LAMC2: variants seen among roughly 807,000 people sequenced by gnomAD.
The protein encoded by LAMC2 is laminin subunit gamma 2, also known as laminin subunit gamma-2.
In LAMC2, 97 loss-of-function variants were observed where a neutral mutation model predicts 140.2. The ratio of observed to expected loss-of-function variants is 0.69; its 90% CI spans 0.59 to 0.82. LAMC2 has a LOEUF of 0.82. Among genes scored for constraint, LAMC2 ranks in the 40% least tolerant of loss-of-function variants. LAMC2 has a pLI of 0.00. For synonymous variants in LAMC2, 513 were observed against 540.2 expected, an observed-to-expected ratio of 0.95 and a Z score of 0.70; for missense variants, 1,402 against 1,476.1, an observed-to-expected ratio of 0.95 and a Z score of 0.82.
At chr1:183,247,670 A>T (rs1660267645), downstream of LAMC2, among the ~76,000 whole-genome samples, 1 of 152,242 alleles carries the variant, frequency 6.6e-6, no homozygotes, top group Non-Finnish European at 1.5e-5. Flanking sequence ...TCACCTTCTG[A>T]ATCATATCTG....
rs551739753 is a variant in LAMC2, at chr1:183,192,262, C to G, written c.79+5831C>G. On this transcript the variant is annotated intron_variant, in intron 1 of 22. Coordinates refer to ENST00000264144, the MANE Select transcript of LAMC2 (RefSeq NM_005562.3). Reference sequence around the variant, plus strand: ...GGGCTTATATTTACAGAATTCTAACCGCGTCTTTTTATTTATTGTGGGGAT... The same window carrying G: ...GGGCTTATATTTACAGAATTCTAACGGCGTCTTTTTATTTATTGTGGGGAT... Among the ~76,000 whole-genome samples, 3 of 152,246 alleles carry G rather than the reference C, an allele frequency of 2.0e-5. 1 individual carries two copies. In the South Asian group the frequency reaches 6.2e-4, roughly 32 times the overall value.
Position 183,222,177 on chromosome 1 carries a change from C to G in LAMC2, c.729C>G (p.Ala243=), listed in dbSNP as rs919137075. The part of the protein sequence containing the change: ...SQRHQDVFSS[A]QRLDPVYFVA... ...GCCATCAAGATGTGTTTAGCTCAGC[C>G]CAACGACTAGACCCTGTCTATTTTG... The change falls in exon 6 of 23, where the codon GCC becomes GCG. Residue 243 remains alanine (A), a synonymous_variant. Coordinates refer to ENST00000264144, the MANE Select transcript of LAMC2 (RefSeq NM_005562.3). 6.2e-7 allele frequency: 1 copy of G among 1,613,984 alleles called. No individual in the cohort carries two copies. The highest frequency in any genetic ancestry group is 2.2e-5 in the East Asian group (1 of 44,894).
chr1:183,235,058 G>T (rs2102244023), intron 15 of LAMC2, among the ~76,000 whole-genome samples: 1 of 152,296 alleles, frequency 6.6e-6, no homozygotes, highest in Non-Finnish European at 1.5e-5. Context: ...AACATGAGCT[G>T]CCTCCTGAGC....
the LAMC2 span, chr1:183,251,932 C>CGT: frequency 0.036 from 5,575 of 155,418 alleles, 341 homozygotes; most frequent in African/African-American, 0.13. Context: ...CGCATGTGTG[C>CGT]GTGTGTGTGT....
intron 5 of LAMC2, 26 bp from the exon 6 acceptor site, chr1:183,222,063 G>A: frequency 1.9e-6 from 3 of 1,614,076 alleles, no homozygotes; most frequent in Non-Finnish European, 2.5e-6. Context: ...CTTGTCCAAT[G>A]CAGACTGATT....
the LAMC2 span, chr1:183,250,606 C>T: frequency 1.3e-5 from 2 of 152,580 alleles, no homozygotes; most frequent in Non-Finnish European, 2.9e-5. Context: ...CTGGACCAGC[C>T]ATTTAATCCC....
chr1:183,233,917 GT>G (rs1333475101), intron 14 of LAMC2, among the ~76,000 whole-genome samples: 8 of 128,514 alleles, frequency 6.2e-5, no homozygotes, highest in Admixed American at 4.8e-4. Flanking sequence ...ATGGAGTTTT[GT>G]TTTTGTTGCC....
At chr1:183,213,283 T>C (rs1377128236) in intron 2 of LAMC2, among the ~76,000 whole-genome samples, 1 of 152,244 alleles carries the variant, frequency 6.6e-6, no homozygotes, top group Non-Finnish European at 1.5e-5. Flanking sequence ...GCAAAGTTGA[T>C]ATGTAGATGT....
rs184651509 is a variant in LAMC2, at chr1:183,225,754, T to G, written c.1066+34T>G. 109 of 1,409,988 alleles carry G rather than the reference T, an allele frequency of 7.7e-5. No homozygotes were observed. The African/African-American group carries it at 1.4e-3, about 19-fold the overall frequency. 87.3% of individuals were successfully genotyped at this position (1,409,988 alleles called of 1,614,324 possible). A position where few individuals can be genotyped will look rare whatever the true frequency, so the allele number is the denominator to read the frequency against. ...CTACGAGAAATTAATTTCTTTCTTC[T>G]TAGGTGTTAGTTTAATTTGATTCAG... is the stretch of plus-strand genomic sequence containing the variant. On this transcript the variant is annotated intron_variant, in intron 8 of 22. Coordinates refer to ENST00000264144, the MANE Select transcript of LAMC2 (RefSeq NM_005562.3).
intron 14 of LAMC2, among the ~76,000 whole-genome samples, chr1:183,233,849 A>C (rs1372572932): frequency 2.0e-5 from 3 of 146,518 alleles, no homozygotes; most frequent in Non-Finnish European, 3.0e-5. Context: ...ACTTTTTTGA[A>C]CTTGGATTTC....
At chr1:183,235,509 A>G in intron 15 of LAMC2, 66 bp from the exon 16 acceptor site, 1 of 1,582,310 alleles carries the variant, frequency 6.3e-7, no homozygotes. Context: ...CCCTTCGTGT[A>G]ACTGAACAAC....
At chr1:183,219,240 C>T (rs1249799098) in intron 4 of LAMC2, among the ~76,000 whole-genome samples, 1 of 152,240 alleles carries the variant, frequency 6.6e-6, no homozygotes, top group Non-Finnish European at 1.5e-5. Flanking sequence ...TCACTTATAC[C>T]TGCACAGAGG....
rs684527 is a variant in LAMC2, at chr1:183,186,347, C to T, written c.-6C>T. On this transcript the variant is annotated 5_prime_UTR_variant, in exon 1 of 23. Transcript: ENST00000264144. ...GGAGACAGAGACTGAGCGGCCCGGCCCCGCCATGCCTGCGCTCTGGCTGGG... is the reference window on the plus strand; with the variant it reads ...GGAGACAGAGACTGAGCGGCCCGGCTCCGCCATGCCTGCGCTCTGGCTGGG... 1 of 1,593,288 alleles carries T rather than the reference C, an allele frequency of 6.3e-7. No individual in the cohort carries two copies. Among genetic ancestry groups the T allele is most frequent in the Non-Finnish European group, 8.5e-7 (1 of 1,175,818 alleles).
chr1:183,232,998 C>G, intron 14 of LAMC2, 141 bp downstream of exon 14: 1 of 784,548 alleles, frequency 1.3e-6, no homozygotes, highest in Admixed American at 2.0e-5. Context: ...ACTTCTTTTC[C>G]TTGCAACAGT....
intron 8 of LAMC2, among the ~76,000 whole-genome samples, chr1:183,226,116 G>C (rs2102228920): frequency 6.7e-6 from 1 of 150,002 alleles, no homozygotes; most frequent in East Asian, 2.0e-4. Flanking sequence ...GCCTGTCTGA[G>C]TCATCATGTA....
At chr1:183,246,755 C>T (rs888653261), downstream of LAMC2, among the ~76,000 whole-genome samples, 17 of 152,114 alleles carry the variant, frequency 1.1e-4, no homozygotes, top group Non-Finnish European at 2.1e-4. Context: ...TTTATTGTGC[C>T]TTCTTTTAAT....
At chr1:183,248,586 C>A (rs1660287762), downstream of LAMC2, 1 of 152,210 alleles carries the variant, frequency 6.6e-6, no homozygotes, top group African/African-American at 2.4e-5. Flanking sequence ...ACTCCAAACT[C>A]ACACTACAAA....
intron 6 of LAMC2, 145 bp downstream of exon 6, chr1:183,222,356 G>C (rs1234907828): frequency 6.0e-6 from 5 of 839,178 alleles, no homozygotes; most frequent in Non-Finnish European, 4.1e-6. Context: ...CCAGAAGAGA[G>C]ATGGGGGCTA....
intron 7 of LAMC2, among the ~76,000 whole-genome samples, chr1:183,224,556 C>T (rs534520577): frequency 6.6e-6 from 1 of 152,216 alleles, no homozygotes; most frequent in African/African-American, 2.4e-5. Flanking sequence ...CAGAGTGGCT[C>T]AACTGAGAGT....
Sources: gnomAD v4.1 joint callset for allele counts (sites outside exome capture counted in the v4.1 genomes callset) on GRCh38, gnomAD v4.1.1 for gene constraint, MANE v1.5 for transcripts, NCBI Gene and HGNC (gene_info 2026-07-23, HGNC 2026-07-21) for gene names.